DNAH14: variants seen among roughly 807,000 people sequenced by gnomAD.
DNAH14 encodes axonemal beta dynein heavy chain 14.
DNAH14 carries 478 observed loss-of-function variants against 520.9 expected under a neutral mutation model. The ratio of observed to expected loss-of-function variants is 0.92; its 90% CI spans 0.85 to 0.99. DNAH14 has a LOEUF of 0.99. Among genes scored for constraint, DNAH14 ranks in the 50% least tolerant of loss-of-function variants. The pLI is 0.00. For missense variants in DNAH14, 4,831 were observed against 5,234.5 expected, an observed-to-expected ratio of 0.92 and a Z score of 2.38; for synonymous variants, 1,581 against 1,757.2, an observed-to-expected ratio of 0.90 and a Z score of 2.51.
intron 3 of DNAH14, among the ~76,000 whole-genome samples, chr1:224,956,939 T>C (rs555065382): frequency 5.5e-4 from 83 of 152,236 alleles, no homozygotes; most frequent in African/African-American, 1.9e-3. Context: ...TAAGGCTAGA[T>C]AGGGATACAA....
At chr1:225,107,984 G>A (rs1364227128) in intron 23 of DNAH14, among the ~76,000 whole-genome samples, 2 of 152,140 alleles carry the variant, frequency 1.3e-5, no homozygotes, top group African/African-American at 4.8e-5. Context: ...TTGTTCCTGG[G>A]TGTGTCTGTG....
intron 1 of DNAH14, among the ~76,000 whole-genome samples, chr1:224,942,682 G>A (rs980481312): frequency 6.6e-6 from 1 of 151,988 alleles, no homozygotes; most frequent in Non-Finnish European, 1.5e-5. Context: ...ATGTCCCATC[G>A]ATACCTAATT....
intron 77 of DNAH14, among the ~76,000 whole-genome samples, chr1:225,370,117 C>G (rs1427068074): frequency 6.6e-6 from 1 of 152,012 alleles, no homozygotes; most frequent in Non-Finnish European, 1.5e-5. Flanking sequence ...AGGAGTAACC[C>G]CATCTCTACT....
intron 79 of DNAH14, among the ~76,000 whole-genome samples, chr1:225,379,326 A>G (rs2150736733): frequency 6.6e-6 from 1 of 152,300 alleles, no homozygotes; most frequent in East Asian, 1.9e-4. Flanking sequence ...GCAAATGTCT[A>G]AAGTACATTG....
chr1:225,015,787 C>T (rs945983820), intron 10 of DNAH14, among the ~76,000 whole-genome samples: 16 of 152,116 alleles, frequency 1.1e-4, no homozygotes, highest in Non-Finnish European at 2.2e-4. Flanking sequence ...GATATTTACA[C>T]TCACCAGACT....
chr1:225,351,345 C>T (rs144814697), intron 71 of DNAH14, among the ~76,000 whole-genome samples: 8 of 152,180 alleles, frequency 5.3e-5, no homozygotes, highest in African/African-American at 9.6e-5. Flanking sequence ...GAGCAGTGAT[C>T]GTGCCACTGC....
At chr1:225,389,894 C>G (rs2095883437) in intron 83 of DNAH14, 21 bp downstream of exon 83, 7 of 1,550,336 alleles carry the variant, frequency 4.5e-6, no homozygotes, top group African/African-American at 1.4e-5. Context: ...GAACCAAGGT[C>G]AGCTCCAGAC....
chr1:225,231,720 T>C (rs2091132184), intron 42 of DNAH14, among the ~76,000 whole-genome samples: 1 of 152,124 alleles, frequency 6.6e-6, no homozygotes, highest in Non-Finnish European at 1.5e-5. Context: ...TGCCTGTCAG[T>C]TCTGCCTTAA....
At chr1:225,182,097 C>G (rs1487197243) in intron 36 of DNAH14, among the ~76,000 whole-genome samples, 3 of 152,102 alleles carry the variant, frequency 2.0e-5, no homozygotes, top group Admixed American at 2.0e-4. Flanking sequence ...TATTTGAGAG[C>G]TGAGGTAGGA....
At chr1:225,007,349 T>C in intron 9 of DNAH14, 64 bp from the exon 10 acceptor site, 1 of 1,333,438 alleles carries the variant, frequency 7.5e-7, no homozygotes. Flanking sequence ...AGACCAAATA[T>C]TTTATCTTTT....
At chr1:225,233,020 A>C (rs2091266741) in intron 42 of DNAH14, among the ~76,000 whole-genome samples, 1 of 152,088 alleles carries the variant, frequency 6.6e-6, no homozygotes, top group African/African-American at 2.4e-5. Flanking sequence ...ATGTGTTCTC[A>C]TCCTTCAGCT....
intron 43 of DNAH14, among the ~76,000 whole-genome samples, chr1:225,244,852 G>C (rs895740548): frequency 6.6e-6 from 1 of 152,056 alleles, no homozygotes; most frequent in Non-Finnish European, 1.5e-5. Flanking sequence ...ATCTCCTTCA[G>C]TTCTGCTCTG....
intron 44 of DNAH14, 89 bp downstream of exon 44, chr1:225,252,506 A>C (rs1398098366): frequency 2.8e-6 from 2 of 722,132 alleles, no homozygotes; most frequent in East Asian, 5.7e-5. Context: ...TCTATTTATA[A>C]AAGTAATTAT....
intron 27 of DNAH14, among the ~76,000 whole-genome samples, chr1:225,127,733 G>A (rs1364900297): frequency 6.6e-6 from 1 of 152,078 alleles, no homozygotes; most frequent in Non-Finnish European, 1.5e-5. Flanking sequence ...TGTTATGTGT[G>A]ACTTTGATCC....
At chr1:225,135,530 T>C (rs1292084268) in intron 27 of DNAH14, among the ~76,000 whole-genome samples, 1 of 152,160 alleles carries the variant, frequency 6.6e-6, no homozygotes, top group Non-Finnish European at 1.5e-5. Context: ...CATTATGATT[T>C]CAGGTCTTCT....
chr1:225,232,505 A>G lies in DNAH14; in HGVS notation c.6518+1354A>G, dbSNP rs796305200. On this transcript the variant is annotated intron_variant, in intron 42 of 85. Transcript: ENST00000682510. The surrounding 1 kb of genome is among the most constrained non-coding windows in gnomAD (Gnocchi z 4.2). ...TTACTCTCAAAGTGGAAGAAAAAAA[A>G]TCTTGGTACAGCCTAAAAATGTCCT... Among the ~76,000 whole-genome samples the G allele has an allele frequency of 5.3e-5, 8 of 152,228 alleles. No homozygotes were observed. Among genetic ancestry groups the G allele is most frequent in the African/African-American group, 1.9e-4 (8 of 41,536 alleles).
Position 225,265,363 on chromosome 1 carries a change from C to A in DNAH14, c.7404C>A (p.Asn2468Lys). The A allele has an allele frequency of 6.5e-7, 1 of 1,533,424 alleles. No homozygotes were observed. The highest frequency in any genetic ancestry group is 2.2e-5 in the Admixed American group (1 of 45,354). 95.0% of individuals were successfully genotyped at this position (1,533,424 alleles called of 1,614,324 possible). ...AAGATACTCTTGGAGCACCAAAAAACAACCGGGTAAAACACCTCTCATACC... is the reference window on the plus strand; with the variant it reads ...AAGATACTCTTGGAGCACCAAAAAAAAACCGGGTAAAACACCTCTCATACC... ...RTKDTLGAPK[N>K]NRILIFIDDM... is the part of the protein sequence containing the mutation. The change falls in exon 48 of 86, where the codon AAC (asparagine) becomes AAA (lysine). Residue 2468 changes from asparagine (N) to lysine (K), a missense_variant. Transcript: ENST00000682510.
intron 51 of DNAH14, among the ~76,000 whole-genome samples, chr1:225,272,448 C>T (rs2093339663): frequency 6.6e-6 from 1 of 152,156 alleles, no homozygotes; most frequent in Non-Finnish European, 1.5e-5. Context: ...ACAGTGCTGA[C>T]TTAGTTATCA....
At chr1:225,384,873 T>A (rs1344032159) in intron 81 of DNAH14, among the ~76,000 whole-genome samples, 1 of 152,208 alleles carries the variant, frequency 6.6e-6, no homozygotes, top group Non-Finnish European at 1.5e-5. Flanking sequence ...CCCTAATTCA[T>A]TTTATGAGGC....
Sources: gnomAD v4.1 joint callset for allele counts (sites outside exome capture counted in the v4.1 genomes callset) on GRCh38, gnomAD v4.1.1 for gene constraint, Gnocchi (gnomAD v3.1) non-coding constraint, MANE v1.5 for transcripts, NCBI Gene and HGNC (gene_info 2026-07-23, HGNC 2026-07-21) for gene names.